LRP1B: variants seen among roughly 807,000 people sequenced by gnomAD.
LRP1B encodes the protein LDL receptor related protein 1B, also known as low-density lipoprotein receptor-related protein 1B.
LRP1B carries 217 observed loss-of-function variants against 556.6 expected under a neutral mutation model. The ratio of observed to expected loss-of-function variants is 0.39; its 90% CI spans 0.35 to 0.44. LRP1B has a LOEUF of 0.44. Among genes scored for constraint, LRP1B ranks in the 20% least tolerant of loss-of-function variants. The pLI is 1.00. For missense variants in LRP1B, 5,053 were observed against 5,620.8 expected (o/e 0.90, Z 3.23); for synonymous variants, 2,047 against 1,865.8 (o/e 1.10, Z -2.50).
At position 141,202,746 on chromosome 2, in the gene LRP1B, A is replaced by ATT. The variant is rs58054121; in HGVS notation, c.851-14165_851-14164dup. Among the ~76,000 whole-genome samples the ATT allele has an allele frequency of 1.5e-4, 23 of 151,842 alleles. No individual in the cohort carries two copies. In the South Asian group the frequency reaches 4.2e-3, roughly 28 times the overall value. On this transcript the variant is annotated intron_variant, in intron 6 of 90. Coordinates refer to ENST00000389484, the MANE Select transcript of LRP1B (RefSeq NM_018557.3). The stretch of plus-strand genomic sequence containing the variant: ...AAATGTCTGTTCATGTTTTTGCCCA[A>ATT]TTTTTTTATTACATTTTCCATTCTG...
chr2:140,891,996 G>A lies in LRP1B; in HGVS notation c.3767-5661C>T, dbSNP rs980120039. 7.9e-5 allele frequency among the ~76,000 whole-genome samples: 12 copies of A among 152,168 alleles called. No individual in the cohort carries two copies. In the South Asian group the frequency reaches 1.7e-3, roughly 21 times the overall value. ...CCTTTGGGGTGTGTGTGTGTGAGAG[G>A]CAGAGTGAGAGAGAAGAGCACTCAC... On this transcript the variant is annotated intron_variant, in intron 23 of 90. Transcript: ENST00000389484.
At chr2:141,114,385 G>A (rs1404268122) in intron 7 of LRP1B, among the ~76,000 whole-genome samples, 1 of 152,176 alleles carries the variant, frequency 6.6e-6, no homozygotes, top group African/African-American at 2.4e-5. Flanking sequence ...AGACTTAGAT[G>A]ATGAATTCAG....
At chr2:140,778,120 A>C (rs988467545) in intron 32 of LRP1B, among the ~76,000 whole-genome samples, 4 of 152,194 alleles carry the variant, frequency 2.6e-5, no homozygotes, top group Admixed American at 2.0e-4. Flanking sequence ...ATTGTGTCAC[A>C]AAATGAAAAG....
intron 11 of LRP1B, among the ~76,000 whole-genome samples, chr2:141,032,448 A>G (rs1320021800): frequency 6.6e-6 from 1 of 152,098 alleles, no homozygotes; most frequent in East Asian, 1.9e-4. Context: ...AACAACTTAC[A>G]TTCTCCCCAG....
intron 41 of LRP1B, among the ~76,000 whole-genome samples, chr2:140,613,400 A>AATAATTATATACATATAAATATATAT (rs1553499019): frequency 0.21 from 17,533 of 84,226 alleles, 3,723 homozygotes; most frequent in East Asian, 0.52. Context: ...TATAAATATA[A>AATAATTATATACATATAAATATATAT]ATAATTATAT....
At chr2:141,550,476 A>G (rs1201925198) in intron 2 of LRP1B, among the ~76,000 whole-genome samples, 1 of 152,164 alleles carries the variant, frequency 6.6e-6, no homozygotes, top group African/African-American at 2.4e-5. Context: ...TGATTTTTGA[A>G]TGTCTCACAA....
chr2:141,520,737 T>G (rs1018581033), intron 2 of LRP1B, among the ~76,000 whole-genome samples: 53 of 152,136 alleles, frequency 3.5e-4, no homozygotes, highest in African/African-American at 1.2e-3. Context: ...CAAAAAAAAG[T>G]GGAAGTATCT....
At chr2:140,569,598 A>G (rs1281366407) in intron 43 of LRP1B, among the ~76,000 whole-genome samples, 1 of 151,874 alleles carries the variant, frequency 6.6e-6, no homozygotes, top group Non-Finnish European at 1.5e-5. Flanking sequence ...CCAATAATAG[A>G]AACTTCAACA....
chr2:141,752,307 G>A (rs553885897), intron 2 of LRP1B, among the ~76,000 whole-genome samples: 25 of 152,240 alleles, frequency 1.6e-4, no homozygotes, highest in African/African-American at 5.8e-4. Context: ...TTACATAAAT[G>A]TAAAAGCCCC....
chr2:140,822,106 C>A (rs1393771101), intron 31 of LRP1B, among the ~76,000 whole-genome samples: 1 of 152,086 alleles, frequency 6.6e-6, no homozygotes, highest in African/African-American at 2.4e-5. Context: ...GATTGACAAG[C>A]CAAGTTCCTT....
chr2:141,605,616 A>G (rs1471675), intron 2 of LRP1B, among the ~76,000 whole-genome samples: 12,156 of 152,274 alleles, frequency 0.08, 569 homozygotes, highest in South Asian at 0.13. Context: ...TACTCAGCCC[A>G]TTACATGATC....
intron 21 of LRP1B, among the ~76,000 whole-genome samples, chr2:140,918,492 A>G (rs989704267): frequency 3.9e-5 from 6 of 152,128 alleles, no homozygotes; most frequent in Admixed American, 6.6e-5. Flanking sequence ...AAACATTGAA[A>G]TATATTGCTT....
chr2:141,721,553 T>C (rs1451315763), intron 2 of LRP1B, among the ~76,000 whole-genome samples: 2 of 152,194 alleles, frequency 1.3e-5, no homozygotes, highest in Admixed American at 1.3e-4. Flanking sequence ...TAATTCAGAT[T>C]AATGTATTCC....
intron 1 of LRP1B, among the ~76,000 whole-genome samples, chr2:142,092,367 T>G (rs1038819803): frequency 2.0e-5 from 3 of 152,196 alleles, no homozygotes; most frequent in Non-Finnish European, 4.4e-5. Context: ...GTATTTTCAT[T>G]TGTATTATGT....
intron 1 of LRP1B, among the ~76,000 whole-genome samples, chr2:141,847,827 G>A (rs975207686): frequency 4.0e-5 from 6 of 151,484 alleles, no homozygotes; most frequent in Non-Finnish European, 8.9e-5. Context: ...AAAAAATGAT[G>A]CAAATGTTTT....
intron 66 of LRP1B, among the ~76,000 whole-genome samples, chr2:140,433,752 A>G (rs1466412007): frequency 6.6e-6 from 1 of 152,130 alleles, no homozygotes; most frequent in Non-Finnish European, 1.5e-5. Context: ...AAATACTATT[A>G]ATCGAAATAT....
At chr2:140,892,811 C>T (rs111357604) in intron 23 of LRP1B, among the ~76,000 whole-genome samples, 4,617 of 151,988 alleles carry the variant, frequency 0.03, 111 homozygotes, top group Middle Eastern at 0.065. Context: ...GCATGCTCTA[C>T]GACACTATCT....
At chr2:140,788,488 C>CA (rs1212993945) in intron 32 of LRP1B, among the ~76,000 whole-genome samples, 3 of 152,126 alleles carry the variant, frequency 2.0e-5, no homozygotes, top group Non-Finnish European at 4.4e-5. Flanking sequence ...CTATAGTAAT[C>CA]ACTTGCAAAG....
intron 3 of LRP1B, among the ~76,000 whole-genome samples, chr2:141,359,280 A>C (rs952278283): frequency 6.6e-5 from 10 of 150,792 alleles, no homozygotes; most frequent in African/African-American, 2.2e-4. Flanking sequence ...AAAAAAAAAA[A>C]CCACAGAATT....
Sources: gnomAD v4.1 joint callset for allele counts (sites outside exome capture counted in the v4.1 genomes callset) on GRCh38, gnomAD v4.1.1 for gene constraint, MANE v1.5 for transcripts, NCBI Gene and HGNC (gene_info 2026-07-23, HGNC 2026-07-21) for gene names.